The following STAM variants were observed in gnomAD, a reference collection of about 807,000 sequenced individuals.
STAM encodes signal transducing adaptor molecule.
In STAM, 16 loss-of-function variants were observed where a neutral mutation model predicts 63.4. The observed-to-expected ratio is 0.25, with a 90% CI of 0.17 to 0.38. The LOEUF (loss-of-function observed/expected upper bound fraction) is 0.38. STAM is among the 10% of genes least tolerant of loss of function. The pLI, the probability that STAM is intolerant of heterozygous loss-of-function variation, is 1.00. For synonymous variants in STAM, 238 were observed against 223.9 expected, an observed-to-expected ratio of 1.06 and a Z score of -0.56; for missense variants, 636 against 657.1, an observed-to-expected ratio of 0.97 and a Z score of 0.35.
chr10:17,707,734 A>T (rs1836359669), intron 12 of STAM, among the ~76,000 whole-genome samples: 1 of 152,120 alleles, frequency 6.6e-6, no homozygotes, highest in African/African-American at 2.4e-5. Flanking sequence ...CGTTTAACAG[A>T]AGTGCTAAAT....
chr10:17,696,768 G>A lies in STAM; in HGVS notation c.729-7G>A, dbSNP rs1476238956. ...TATGGTAAAGCATTGTTTTTTGTTT[G>A]TCATAGTGATCCTAACTGGTGGAAA... On this transcript the variant is annotated splice_polypyrimidine_tract_variant and splice_region_variant and intron_variant, in intron 7 of 13. Coordinates refer to ENST00000377524, the MANE Select transcript of STAM (RefSeq NM_003473.4). 3.8e-6 allele frequency: 6 copies of A among 1,598,764 alleles called. No homozygotes were observed. In the African/African-American group the frequency reaches 6.7e-5, roughly 18 times the overall value.
At chr10:17,711,919 T>C (rs1340171428) in intron 13 of STAM, among the ~76,000 whole-genome samples, 1 of 152,188 alleles carries the variant, frequency 6.6e-6, no homozygotes, top group Non-Finnish European at 1.5e-5. Flanking sequence ...GGCAAGAAAT[T>C]ATGAGTATTT....
At chr10:17,664,744 G>C (rs909580669) in intron 2 of STAM, among the ~76,000 whole-genome samples, 1 of 152,106 alleles carries the variant, frequency 6.6e-6, no homozygotes, top group Admixed American at 6.5e-5. Flanking sequence ...TTGGAATGCA[G>C]TTCAGAAGTG....
At chr10:17,700,054 A>T in intron 8 of STAM, 137 bp from the exon 9 acceptor site, 2 of 553,782 alleles carry the variant, frequency 3.6e-6, no homozygotes, top group Non-Finnish European at 6.0e-6. Flanking sequence ...TCTGCAACTC[A>T]GTTATTTCTT....
chr10:17,652,770 G>C (rs1312175734), intron 1 of STAM, among the ~76,000 whole-genome samples: 1 of 152,118 alleles, frequency 6.6e-6, no homozygotes, highest in Non-Finnish European at 1.5e-5. Flanking sequence ...GATGAAGTAA[G>C]TGATATTGTT....
intron 8 of STAM, among the ~76,000 whole-genome samples, chr10:17,698,743 T>C (rs1835866517): frequency 6.6e-6 from 1 of 152,170 alleles, no homozygotes; most frequent in African/African-American, 2.4e-5. Flanking sequence ...ATATATTTTT[T>C]TACACACACA....
chr10:17,714,744 G>T lies in STAM; in HGVS notation c.1587G>T (p.Gln529His), dbSNP rs1394037975. ...PQPGGSQQPP[Q>H]PQQPYSQKAL... ...CCGGAGGCAGCCAACAGCCACCTCAGCCACAGCAACCATATTCTCAGAAGG... is the reference window on the plus strand; with the variant it reads ...CCGGAGGCAGCCAACAGCCACCTCATCCACAGCAACCATATTCTCAGAAGG... Residue 529 changes from glutamine to histidine, a missense_variant, in exon 14 of 14, where the codon CAG becomes CAT. Transcript: ENST00000377524. 1.2e-6 allele frequency: 2 copies of T among 1,613,942 alleles called. No homozygotes were observed. Among genetic ancestry groups the T allele is most frequent in the Admixed American group, 3.3e-5 (2 of 59,992 alleles).
intron 2 of STAM, among the ~76,000 whole-genome samples, chr10:17,683,042 A>G (rs899409181): frequency 3.9e-5 from 6 of 152,194 alleles, no homozygotes; most frequent in Non-Finnish European, 5.9e-5. Context: ...GTGAATAGAT[A>G]AAAGTGTAGT....
At position 17,715,383 on chromosome 10, in the gene STAM, A is replaced by G. The variant is rs577182799; in HGVS notation, c.*603A>G. On this transcript the variant is annotated 3_prime_UTR_variant, in exon 14 of 14. Coordinates refer to ENST00000377524, the MANE Select transcript of STAM (RefSeq NM_003473.4). ...CTGAACCTTTTACTAATTGTGAGCT[A>G]AAGAGATATATATATATATGTGTGT... 1 of 144,504 alleles carries G rather than the reference A, an allele frequency of 6.9e-6. No individual in the cohort carries two copies. The highest frequency in any genetic ancestry group is 1.8e-4 in the South Asian group (1 of 5,514). 9.0% of individuals were successfully genotyped at this position (144,504 alleles called of 1,614,324 possible). A position where few individuals can be genotyped will look rare whatever the true frequency, so the allele number is the denominator to read the frequency against.
chr10:17,657,607 T>C (rs1554822314), intron 1 of STAM, among the ~76,000 whole-genome samples: 2 of 152,234 alleles, frequency 1.3e-5, no homozygotes, highest in African/African-American at 4.8e-5. Context: ...CTTTCTGTTT[T>C]AGAAGATTAT....
intron 9 of STAM, 88 bp from the exon 10 acceptor site, chr10:17,704,343 C>T: frequency 8.5e-7 from 1 of 1,178,934 alleles, no homozygotes; most frequent in South Asian, 1.3e-5. Flanking sequence ...CTATGAATTT[C>T]AAAAGTTTGT....
intron 2 of STAM, among the ~76,000 whole-genome samples, chr10:17,666,644 G>A (rs529076417): frequency 5.3e-5 from 8 of 152,018 alleles, no homozygotes; most frequent in African/African-American, 9.7e-5. Context: ...TGATCTGCCC[G>A]CCTTGGCCTC....
At chr10:17,675,687 C>T (rs1834824519) in intron 2 of STAM, among the ~76,000 whole-genome samples, 1 of 152,184 alleles carries the variant, frequency 6.6e-6, no homozygotes, top group African/African-American at 2.4e-5. Context: ...TCAGTCTCTT[C>T]TTGTTCACTA....
At chr10:17,710,056 A>G (rs1554829926) in intron 13 of STAM, among the ~76,000 whole-genome samples, 1 of 151,562 alleles carries the variant, frequency 6.6e-6, no homozygotes. Flanking sequence ...CTTTACAACT[A>G]GATACAAAGG....
At chr10:17,705,108 T>TA (rs2100202514) in intron 11 of STAM, 84 bp downstream of exon 11, 9 of 1,173,356 alleles carry the variant, frequency 7.7e-6, no homozygotes, top group Middle Eastern at 2.0e-4. Flanking sequence ...TAACTGCCTT[T>TA]TAAAAAAAAA....
rs1217991487 is a variant in STAM at position 17,695,241 on chromosome 10, G to A, written c.728G>A (p.Ser243Asn). 3 of 1,611,618 alleles carry A rather than the reference G, an allele frequency of 1.9e-6. No homozygotes were observed. The African/African-American group carries it at 4.0e-5, about 22-fold the overall frequency. The change falls in exon 7 of 14, where the codon AGT becomes AAT. Residue 243 changes from serine (S) to asparagine (N), a missense_variant and splice_region_variant. By Grantham distance (46) the Ser-to-Asn change is conservative. Transcript: ENST00000377524. ...AGEIITVLDD[S>N]DPNWWKGETH... ...GAAATTATTACAGTTCTTGATGACA[G>A]GTAATGTTAATATTACATTTAAAAT...
intron 9 of STAM, among the ~76,000 whole-genome samples, chr10:17,701,764 G>T (rs1016523964): frequency 1.3e-5 from 2 of 151,854 alleles, no homozygotes; most frequent in Admixed American, 6.6e-5. Flanking sequence ...CCAACTTTAC[G>T]GAAGAAAGGC....
Position 17,714,936 on chromosome 10 carries a change from T to G in STAM, c.*156T>G, listed in dbSNP as rs1048768137. On this transcript the variant is annotated 3_prime_UTR_variant, in exon 14 of 14. Coordinates refer to ENST00000377524, the MANE Select transcript of STAM (RefSeq NM_003473.4). ...CAAGAAGGTAGAACTCTCCTCAATT[T>G]ACACTGACTTTTTAGAGGTTCTTCC... The G allele has an allele frequency of 5.6e-6, 4 of 710,656 alleles. No individual in the cohort carries two copies. In the East Asian group the frequency reaches 1.1e-4, roughly 19 times the overall value. 44.0% of individuals were successfully genotyped at this position (710,656 alleles called of 1,614,324 possible).
chr10:17,654,756 T>A (rs1330953261), intron 1 of STAM, among the ~76,000 whole-genome samples: 3 of 152,206 alleles, frequency 2.0e-5, no homozygotes, highest in Non-Finnish European at 2.9e-5. Context: ...CCAAACTGCT[T>A]TTACATATTG....
Sources: gnomAD v4.1 joint callset for allele counts (sites outside exome capture counted in the v4.1 genomes callset) on GRCh38, gnomAD v4.1.1 for gene constraint, MANE v1.5 for transcripts, NCBI Gene and HGNC (gene_info 2026-07-23, HGNC 2026-07-21) for gene names.